The following PROSER1 variants were observed in gnomAD, a reference collection of about 807,000 sequenced individuals.
The protein encoded by PROSER1 is proline and serine rich 1, also known as proline and serine-rich protein 1.
Under a neutral mutation model 71.8 loss-of-function variants are expected in PROSER1, and 36 were observed. That is an observed-to-expected ratio of 0.50 (90% CI 0.38 to 0.66). The LOEUF (loss-of-function observed/expected upper bound fraction) is 0.66, where lower values mean the gene tolerates loss of function less well. Among genes scored for constraint, PROSER1 ranks in the 30% least tolerant of loss-of-function variants. The probability of loss-of-function intolerance (pLI) is 0.00; values close to 1 mark genes in which losing one functional copy is unlikely to be tolerated. For missense variants in PROSER1, 1,107 were observed against 1,135.0 expected, an observed-to-expected ratio of 0.98 and a Z score of 0.35; for synonymous variants, 490 against 452.4, an observed-to-expected ratio of 1.08 and a Z score of -1.06.
intron 12 of PROSER1, 32 bp downstream of exon 12, chr13:39,012,050 AC>A (rs775135779): frequency 6.2e-7 from 1 of 1,602,280 alleles, no homozygotes; most frequent in South Asian, 1.1e-5. Context: ...TATACATGTT[AC>A]CATGTAATTT....
At chr13:39,029,442 G>A in intron 3 of PROSER1, 67 bp from the exon 4 acceptor site, 2 of 844,136 alleles carry the variant, frequency 2.4e-6, no homozygotes, top group Non-Finnish European at 3.6e-6. Context: ...CCTTTTTCTG[G>A]AAGTACAGTT....
rs376272013 is a variant in PROSER1 at position 39,014,063 on chromosome 13, C to G, written c.1189G>C (p.Ala397Pro). ...CTAGTGAAAGGTGCAGAAGTAGAAG[C>G]AAATGCTTCACTGGAACCAAGAGTG... ...RSTLGSSEAF[A>P]STSAPFTSLP... is the part of the protein sequence containing the mutation. The change falls in exon 11 of 13, where the codon GCT (alanine) becomes CCT (proline). Residue 397 changes from alanine to proline, a missense_variant. Coordinates refer to ENST00000352251, the MANE Select transcript of PROSER1 (RefSeq NM_025138.5). 6.2e-7 allele frequency: 1 copy of G among 1,614,046 alleles called. No homozygotes were observed. Among genetic ancestry groups the G allele is most frequent in the Non-Finnish European group, 8.5e-7 (1 of 1,180,036 alleles).
At chr13:39,030,927 A>G (rs556000535) in intron 3 of PROSER1, among the ~76,000 whole-genome samples, 6 of 152,336 alleles carry the variant, frequency 3.9e-5, no homozygotes, top group Non-Finnish European at 8.8e-5. Flanking sequence ...ACACTTTCTT[A>G]GGCTCATCAG....
At chr13:39,027,818 G>A (rs1870616479) in intron 5 of PROSER1, among the ~76,000 whole-genome samples, 2 of 152,094 alleles carry the variant, frequency 1.3e-5, no homozygotes, top group African/African-American at 2.4e-5. Flanking sequence ...CTAATAAACT[G>A]GAATTTTAAC....
chr13:39,037,423 A>T lies in PROSER1; in HGVS notation c.-181T>A. ...AACTTCGCAAAAAAAATTTCTAAAA[A>T]TTGAGATTCAGAAAAACTCTTTTTA... On this transcript the variant is annotated 5_prime_UTR_variant, in exon 1 of 13. Coordinates refer to ENST00000352251, the MANE Select transcript of PROSER1 (RefSeq NM_025138.5). 1 of 579,930 alleles carries T rather than the reference A, an allele frequency of 1.7e-6. No individual in the cohort carries two copies. The highest frequency in any genetic ancestry group is 2.9e-5 in the East Asian group (1 of 35,042). 35.9% of individuals were successfully genotyped at this position (579,930 alleles called of 1,614,324 possible). A position where few individuals can be genotyped will look rare whatever the true frequency, so the allele number is the denominator to read the frequency against.
chr13:39,030,384 C>A (rs2138131068), intron 3 of PROSER1, among the ~76,000 whole-genome samples: 1 of 152,202 alleles, frequency 6.6e-6, no homozygotes, highest in East Asian at 1.9e-4. Context: ...TAATTTAATT[C>A]AAATAAGTGT....
chr13:39,029,247 T>TTA, intron 4 of PROSER1, 34 bp downstream of exon 4: 3 of 741,240 alleles, frequency 4.0e-6, no homozygotes, highest in South Asian at 2.2e-5. Context: ...TTTTCCCAAG[T>TTA]AAAAAAAAAA....
At position 39,017,698 on chromosome 13, in the gene PROSER1, ATAG is replaced by A. The variant is rs1245917159; in HGVS notation, c.731-157_731-155del. On this transcript the variant is annotated intron_variant, in intron 9 of 12. Coordinates refer to ENST00000352251, the MANE Select transcript of PROSER1 (RefSeq NM_025138.5). ...TACACATATGGGAAAATAAATAAAA[ATAG>A]TAGTAACTCTACTATTATTACTACT... The A allele has an allele frequency of 2.9e-5, 16 of 554,432 alleles. No individual in the cohort carries two copies. The African/African-American group carries it at 3.1e-4, about 11-fold the overall frequency. The allele number at this position is 554,432 out of a possible 1,614,324, so 34.3% of individuals were successfully genotyped here. A position where few individuals can be genotyped will look rare whatever the true frequency, so the allele number is the denominator to read the frequency against.
intron 6 of PROSER1, 38 bp downstream of exon 6, chr13:39,026,239 A>C: frequency 7.8e-7 from 1 of 1,288,584 alleles, no homozygotes; most frequent in South Asian, 1.2e-5. Context: ...ATACTTAACC[A>C]TGAGAAGTTT....
At chr13:39,017,393 C>T (rs1353518027) in intron 10 of PROSER1, 107 bp downstream of exon 10, 1 of 749,722 alleles carries the variant, frequency 1.3e-6, no homozygotes, top group African/African-American at 1.8e-5. Flanking sequence ...TAACCAGAAA[C>T]TTTTCCTAAA....
intron 1 of PROSER1, 23 bp from the exon 2 acceptor site, chr13:39,034,219 C>T (rs761807634): frequency 5.2e-6 from 8 of 1,546,800 alleles, no homozygotes; most frequent in Non-Finnish European, 6.1e-6. Context: ...AACACACACA[C>T]ACAGAGTAAA....
At chr13:39,027,931 A>C (rs915707537) in intron 5 of PROSER1, among the ~76,000 whole-genome samples, 5 of 152,176 alleles carry the variant, frequency 3.3e-5, no homozygotes, top group African/African-American at 1.2e-4. Context: ...ATAAAGTTTA[A>C]AGCAAAAACT....
In PROSER1 at chr13:39,013,694, C is replaced by A. The variant is rs1232587550; in HGVS notation, c.1558G>T (p.Ala520Ser). The A allele has an allele frequency of 6.2e-7, 1 of 1,613,966 alleles. No homozygotes were observed. Among genetic ancestry groups the A allele is most frequent in the Non-Finnish European group, 8.5e-7 (1 of 1,180,030 alleles). ...TGTGGGGTAGGGATGGCTGATGGGGCATAGCACTTGTTAGGGGCTGAAGCA... is the reference window on the plus strand; with the variant it reads ...TGTGGGGTAGGGATGGCTGATGGGGAATAGCACTTGTTAGGGGCTGAAGCA... ...SSASAPNKCY[A>S]PSAIPTPQRT... Residue 520 changes from alanine to serine, a missense_variant, in exon 11 of 13, where the codon GCC (alanine) becomes TCC (serine). Physicochemically the swap from Ala to Ser is moderately conservative, Grantham distance 99 (BLOSUM62 1). Transcript: ENST00000352251.
chr13:39,014,580 A>C (rs1343431431), intron 10 of PROSER1, 104 bp from the exon 11 acceptor site: 2 of 821,300 alleles, frequency 2.4e-6, no homozygotes, highest in Non-Finnish European at 3.7e-6. Flanking sequence ...CAAATACCAA[A>C]TAAAAAATGA....
At chr13:39,016,725 T>C (rs1364837561) in intron 10 of PROSER1, among the ~76,000 whole-genome samples, 1 of 152,106 alleles carries the variant, frequency 6.6e-6, no homozygotes, top group Non-Finnish European at 1.5e-5. Flanking sequence ...AGAAACTGGA[T>C]GTCCTGACAT....
intron 10 of PROSER1, among the ~76,000 whole-genome samples, chr13:39,015,889 A>G (rs12430086): frequency 0.33 from 49,748 of 152,028 alleles, 9,909 homozygotes; most frequent in African/African-American, 0.57. Flanking sequence ...ATAAGAACTA[A>G]AAGGATAAGG....
rs142628759 is a variant in PROSER1 at position 39,018,180 on chromosome 13, C to G, written c.731-636G>C. On this transcript the variant is annotated intron_variant, in intron 9 of 12. Coordinates refer to ENST00000352251, the MANE Select transcript of PROSER1 (RefSeq NM_025138.5). ...TAGCCTAGTTGAGGCTAACTTGAAGCCTGTGAGACTGACAACCCAAAGCAC... is the reference window on the plus strand; with the variant it reads ...TAGCCTAGTTGAGGCTAACTTGAAGGCTGTGAGACTGACAACCCAAAGCAC... Among the ~76,000 whole-genome samples the G allele has an allele frequency of 8.7e-3, 1,332 of 152,258 alleles. 8 individuals are homozygous for G. Among genetic ancestry groups the G allele is most frequent in the Non-Finnish European group, 0.011 (751 of 68,016 alleles).
In PROSER1 at chr13:39,013,486, G is replaced by A. The variant is rs1159014404; in HGVS notation, c.1766C>T (p.Thr589Ile). The change falls in exon 11 of 13, where the codon ACC (threonine) becomes ATC (isoleucine). Residue 589 changes from threonine to isoleucine, a missense_variant. By Grantham distance (89) the Thr-to-Ile change is moderately conservative. Transcript: ENST00000352251. ...GGTAGATGAAATATGCAGATCTGAG[G>A]TACCTGGGTGGGGGCCACGCAAAAG... Reference protein sequence around the residue: ...ASLLRGPHPGTSDLHISSTPA... With the variant: ...ASLLRGPHPGISDLHISSTPA... 1.2e-6 allele frequency: 2 copies of A among 1,614,078 alleles called. No individual in the cohort carries two copies. The highest frequency in any genetic ancestry group is 1.7e-6 in the Non-Finnish European group (2 of 1,180,016).
rs1395047245 is a variant in PROSER1 at position 39,028,478 on chromosome 13, T to C, written c.276-158A>G. 6.6e-5 allele frequency among the ~76,000 whole-genome samples: 10 copies of C among 152,198 alleles called. 1 individual carries two copies. Among genetic ancestry groups the C allele is most frequent in the South Asian group, 4.1e-4 (2 of 4,836 alleles). ...TTTTAACAGCTCAATTTAAATAACA[T>C]GTTTATATATAAATATAATAACTTA... On this transcript the variant is annotated intron_variant, in intron 4 of 12. Coordinates refer to ENST00000352251, the MANE Select transcript of PROSER1 (RefSeq NM_025138.5).
Sources: gnomAD v4.1 joint callset for allele counts (sites outside exome capture counted in the v4.1 genomes callset) on GRCh38, gnomAD v4.1.1 for gene constraint, MANE v1.5 for transcripts, NCBI Gene and HGNC (gene_info 2026-07-23, HGNC 2026-07-21) for gene names.